The following MGAT4C variants were observed in gnomAD, a reference collection of about 807,000 sequenced individuals.
MGAT4C encodes alpha-1,3-mannosyl-glycoprotein 4-beta-N-acetylglucosaminyltransferase C.
In MGAT4C, 19 loss-of-function variants were observed where a neutral mutation model predicts 40.1. That is an observed-to-expected ratio of 0.47 (90% CI 0.33 to 0.70). The LOEUF (loss-of-function observed/expected upper bound fraction) is 0.70. Among genes scored for constraint, MGAT4C ranks in the 30% least tolerant of loss-of-function variants. MGAT4C has a pLI of 0.02. For synonymous variants in MGAT4C, 181 were observed against 187.1 expected, an observed-to-expected ratio of 0.97 and a Z score of 0.27; for missense variants, 491 against 563.2, an observed-to-expected ratio of 0.87 and a Z score of 1.30.
intron 1 of MGAT4C, among the ~76,000 whole-genome samples, chr12:86,837,094 G>C (rs1017277668): frequency 2.6e-5 from 4 of 152,110 alleles, no homozygotes. Flanking sequence ...AATTAGAGCT[G>C]TGAGTTATTG....
chr12:86,279,996 A>G (rs889510014), intron 4 of MGAT4C, among the ~76,000 whole-genome samples: 3 of 152,052 alleles, frequency 2.0e-5, no homozygotes, highest in African/African-American at 7.2e-5. Context: ...AAGATGATTT[A>G]TATGATTTCA....
chr12:86,642,253 T>C (rs1488300346), intron 2 of MGAT4C, among the ~76,000 whole-genome samples: 1 of 151,790 alleles, frequency 6.6e-6, no homozygotes, highest in Non-Finnish European at 1.5e-5. Context: ...GAAGTTTCTC[T>C]CTCTTGCCAT....
chr12:86,722,581 T>C (rs1950755041), intron 2 of MGAT4C, among the ~76,000 whole-genome samples: 1 of 152,194 alleles, frequency 6.6e-6, no homozygotes, highest in Admixed American at 6.5e-5. Context: ...CAAAGTATCA[T>C]ATCCTACCAA....
intron 2 of MGAT4C, among the ~76,000 whole-genome samples, chr12:86,021,181 G>A (rs1041873180): frequency 2.6e-5 from 4 of 152,152 alleles, no homozygotes; most frequent in South Asian, 2.1e-4. Flanking sequence ...TCAGTGTGGC[G>A]ATTCCTCAGG....
chr12:86,283,300 G>T (rs1039626009), intron 4 of MGAT4C, among the ~76,000 whole-genome samples: 6 of 151,868 alleles, frequency 4.0e-5, no homozygotes, highest in Non-Finnish European at 8.8e-5. Flanking sequence ...AAACACTGTT[G>T]CTTCACCTAT....
At chr12:86,724,417 T>C (rs1375055581) in intron 2 of MGAT4C, among the ~76,000 whole-genome samples, 1 of 152,224 alleles carries the variant, frequency 6.6e-6, no homozygotes, top group African/African-American at 2.4e-5. Context: ...AACTGGGTCA[T>C]CCAATGCTTT....
chr12:86,585,366 T>A (rs142403852), intron 2 of MGAT4C, among the ~76,000 whole-genome samples: 1 of 151,532 alleles, frequency 6.6e-6, no homozygotes, highest in Non-Finnish European at 1.5e-5. Context: ...GTGTAATGCA[T>A]TGAACTAGAC....
At chr12:86,707,400 G>A (rs571554701) in intron 2 of MGAT4C, among the ~76,000 whole-genome samples, 1 of 152,162 alleles carries the variant, frequency 6.6e-6, no homozygotes, top group East Asian at 1.9e-4. Context: ...TTGGGAACTG[G>A]AGCAAAGGTG....
Position 85,969,454 on chromosome 12 carries a change from A to T in MGAT4C, c.*9835T>A, listed in dbSNP as rs2136656423. The T allele has an allele frequency of 6.6e-6, 1 of 151,772 alleles. No homozygotes were observed. Among genetic ancestry groups the T allele is most frequent in the Admixed American group, 6.6e-5 (1 of 15,200 alleles). The allele number at this position is 151,772 out of a possible 1,614,324, so 9.4% of individuals were successfully genotyped here. On this transcript the variant is annotated 3_prime_UTR_variant, in exon 5 of 5. Transcript: ENST00000611864. ...ATTAATACAAAGTTATAATTTTTGG[A>T]GTCTTTTAGTGTACCCAGAGCCCAT... is the stretch of plus-strand genomic sequence containing the variant.
At chr12:86,627,268 C>A (rs559351669) in intron 2 of MGAT4C, among the ~76,000 whole-genome samples, 3 of 152,204 alleles carry the variant, frequency 2.0e-5, no homozygotes, top group African/African-American at 2.4e-5. Context: ...TCACCTGCCT[C>A]TGTAGACTCC....
At chr12:86,436,923 T>G (rs1174185971) in intron 2 of MGAT4C, among the ~76,000 whole-genome samples, 1 of 151,936 alleles carries the variant, frequency 6.6e-6, no homozygotes, top group African/African-American at 2.4e-5. Flanking sequence ...TACCTATTGA[T>G]TATTTGCTAA....
intron 1 of MGAT4C, among the ~76,000 whole-genome samples, chr12:86,080,021 A>G (rs1870534178): frequency 1.3e-5 from 2 of 151,884 alleles, no homozygotes; most frequent in African/African-American, 4.8e-5. Flanking sequence ...TCCTGCCTAG[A>G]CAGGCTCTGA....
At chr12:86,532,312 T>C (rs114266046) in intron 2 of MGAT4C, among the ~76,000 whole-genome samples, 21 of 152,146 alleles carry the variant, frequency 1.4e-4, no homozygotes, top group African/African-American at 5.1e-4. Flanking sequence ...AACTCAAAAT[T>C]ATTGTTAGAT....
At chr12:86,538,570 A>G (rs1421504871) in intron 2 of MGAT4C, among the ~76,000 whole-genome samples, 1 of 150,228 alleles carries the variant, frequency 6.7e-6, no homozygotes, top group East Asian at 2.0e-4. Flanking sequence ...AATATTTCAT[A>G]TTAACGTTAT....
chr12:86,002,078 C>T (rs1887372542), intron 2 of MGAT4C: 1 of 152,212 alleles, frequency 6.6e-6, no homozygotes, highest in Admixed American at 6.6e-5. Flanking sequence ...TGTGCCTCTT[C>T]AGACCTCTTT....
At chr12:86,630,381 GA>G (rs1184643684) in intron 2 of MGAT4C, among the ~76,000 whole-genome samples, 1 of 152,240 alleles carries the variant, frequency 6.6e-6, no homozygotes, top group East Asian at 1.9e-4. Flanking sequence ...GAAAAAGAGG[GA>G]ATCCTCCCTA....
intron 2 of MGAT4C, among the ~76,000 whole-genome samples, chr12:86,685,916 G>A (rs894256505): frequency 6.0e-5 from 9 of 150,410 alleles, no homozygotes; most frequent in Non-Finnish European, 1.0e-4. Flanking sequence ...AGGCTGGAGC[G>A]CAGTGGCACA....
intron 2 of MGAT4C, among the ~76,000 whole-genome samples, chr12:86,585,274 G>C (rs1024432740): frequency 5.3e-5 from 8 of 151,110 alleles, no homozygotes; most frequent in Non-Finnish European, 1.0e-4. Flanking sequence ...CCACTTATTT[G>C]TAGGACTGGA....
At chr12:85,995,189 C>T (rs1222629848) in intron 2 of MGAT4C, among the ~76,000 whole-genome samples, 1 of 152,104 alleles carries the variant, frequency 6.6e-6, no homozygotes, top group African/African-American at 2.4e-5. Flanking sequence ...TTCCTGCTTG[C>T]TGTCAAGAGG....
Sources: allele counts gnomAD v4.1 joint callset (sites outside exome capture counted in the v4.1 genomes callset), GRCh38; gene constraint gnomAD v4.1.1; transcripts MANE v1.5; gene names NCBI Gene and HGNC (gene_info 2026-07-23, HGNC 2026-07-21).